The following DOK6 variants were observed in gnomAD, a reference collection of about 807,000 sequenced individuals.
DOK6 encodes the protein downstream of tyrosine kinase 6.
A neutral mutation model predicts 44.0 loss-of-function variants in DOK6; 22 were observed. The observed-to-expected ratio is 0.50, with a 90% CI of 0.36 to 0.71. The LOEUF (loss-of-function observed/expected upper bound fraction) is 0.71, where lower values mean the gene tolerates loss of function less well. Among genes scored for constraint, DOK6 ranks in the 30% least tolerant of loss-of-function variants. The probability of loss-of-function intolerance (pLI) is 0.00; values close to 1 mark genes in which losing one functional copy is unlikely to be tolerated. For synonymous variants in DOK6, 166 were observed against 145.5 expected, an observed-to-expected ratio of 1.14 and a Z score of -1.01; for missense variants, 340 against 416.4, an observed-to-expected ratio of 0.82 and a Z score of 1.60.
At position 69,564,530 on chromosome 18, in the gene DOK6, A is replaced by G; in HGVS notation, c.110A>G (p.Lys37Arg). The G allele has an allele frequency of 6.2e-7, 1 of 1,613,944 alleles. No homozygotes were observed. Among genetic ancestry groups the G allele is most frequent in the Non-Finnish European group, 8.5e-7 (1 of 1,179,916 alleles). Residue 37 changes from lysine to arginine, a missense_variant, in exon 2 of 8, where the codon AAA becomes AGA. Physicochemically the swap from Lys to Arg is conservative, Grantham distance 26. Transcript: ENST00000382713. ...CWLVFKKASS[K>R]GPRRLEKFPD... ...TTGGTTTTCAAGAAGGCTTCTAGCA[A>G]AGGACCCAGAAGGTTAGAAAAATTT... is the stretch of plus-strand genomic sequence containing the variant.
rs1405551050 is a variant in DOK6 at position 69,844,783 on chromosome 18, A to G, written c.*3400A>G. 1 of 152,224 alleles carries G rather than the reference A, an allele frequency of 6.6e-6. No homozygotes were observed. Among genetic ancestry groups the G allele is most frequent in the Non-Finnish European group, 1.5e-5 (1 of 68,040 alleles). The allele number at this position is 152,224 out of a possible 1,614,324, so 9.4% of individuals were successfully genotyped here. ...GAGCATGTGAAATCAATGGAAACAT[A>G]TTTATTAAAAGTAAACCTCACCTTT... On this transcript the variant is annotated 3_prime_UTR_variant, in exon 8 of 8. Transcript: ENST00000382713.
intron 1 of DOK6, among the ~76,000 whole-genome samples, chr18:69,488,972 G>T (rs550108438): frequency 6.6e-6 from 1 of 152,284 alleles, no homozygotes; most frequent in African/African-American, 2.4e-5. Flanking sequence ...GATTGGCTCA[G>T]CTCTTATTGA....
At chr18:69,616,690 A>G (rs145190982) in intron 3 of DOK6, among the ~76,000 whole-genome samples, 2 of 152,358 alleles carry the variant, frequency 1.3e-5, no homozygotes, top group East Asian at 3.9e-4. Flanking sequence ...TTAAGAAAAT[A>G]TACTTCTGCT....
At chr18:69,472,456 G>T (rs970969100) in intron 1 of DOK6, among the ~76,000 whole-genome samples, 8 of 152,102 alleles carry the variant, frequency 5.3e-5, no homozygotes, top group Non-Finnish European at 5.9e-5. Flanking sequence ...CACTACCTGG[G>T]CTCTGCTAGA....
intron 7 of DOK6, among the ~76,000 whole-genome samples, chr18:69,839,339 T>C (rs1052242896): frequency 8.6e-6 from 1 of 116,632 alleles, no homozygotes; most frequent in Non-Finnish European, 1.8e-5. Context: ...CCATAACTCC[T>C]CCCCTAGCCC....
At chr18:69,733,261 T>C (rs567437928) in intron 5 of DOK6, among the ~76,000 whole-genome samples, 2 of 152,318 alleles carry the variant, frequency 1.3e-5, no homozygotes, top group South Asian at 4.1e-4. Context: ...TGTAAAGATT[T>C]ATTAGTGAAA....
At chr18:69,568,642 C>T (rs1246006748) in intron 2 of DOK6, among the ~76,000 whole-genome samples, 1 of 152,166 alleles carries the variant, frequency 6.6e-6, no homozygotes, top group Non-Finnish European at 1.5e-5. Flanking sequence ...AGAAACCAGG[C>T]TGCATAGCAG....
intron 1 of DOK6, among the ~76,000 whole-genome samples, chr18:69,436,983 A>G (rs1360567364): frequency 6.6e-6 from 1 of 151,894 alleles, no homozygotes; most frequent in South Asian, 2.1e-4. Context: ...CATATCCTTC[A>G]CCCACTTTTT....
intron 7 of DOK6, among the ~76,000 whole-genome samples, chr18:69,763,821 A>G (rs370226357): frequency 2.0e-4 from 30 of 152,352 alleles, no homozygotes; most frequent in African/African-American, 7.2e-4. Flanking sequence ...TCAAACCAGT[A>G]AAAGCCATTG....
At chr18:69,778,618 A>G (rs2145087026) in intron 7 of DOK6, among the ~76,000 whole-genome samples, 1 of 152,298 alleles carries the variant, frequency 6.6e-6, no homozygotes, top group Non-Finnish European at 1.5e-5. Flanking sequence ...TGCTTTTGAA[A>G]TGTACTTATT....
intron 7 of DOK6, among the ~76,000 whole-genome samples, chr18:69,805,985 A>C (rs1002014159): frequency 5.3e-5 from 8 of 151,960 alleles, no homozygotes; most frequent in Admixed American, 1.3e-4. Context: ...TGGGAAGTAC[A>C]TGTGTGTATT....
rs987730914 is a variant in DOK6 at position 69,602,228 on chromosome 18, C to T, written c.289+2730C>T. 3.3e-5 allele frequency among the ~76,000 whole-genome samples: 5 copies of T among 152,188 alleles called. No homozygotes were observed. In the South Asian group the frequency reaches 8.3e-4, roughly 25 times the overall value. On this transcript the variant is annotated intron_variant, in intron 3 of 7. Coordinates refer to ENST00000382713, the MANE Select transcript of DOK6 (RefSeq NM_152721.6). ...GACAGACACTGCCTCAGCCAGGTGACCAAGGTGAAGATCAACAATGATAAA... is the reference window on the plus strand; with the variant it reads ...GACAGACACTGCCTCAGCCAGGTGATCAAGGTGAAGATCAACAATGATAAA...
At chr18:69,497,661 A>T (rs553145621) in intron 1 of DOK6, among the ~76,000 whole-genome samples, 5 of 152,284 alleles carry the variant, frequency 3.3e-5, no homozygotes, top group African/African-American at 1.2e-4. Context: ...GATACTAAAT[A>T]CGTATTTGTT....
At chr18:69,685,191 T>C (rs1249438980) in intron 4 of DOK6, among the ~76,000 whole-genome samples, 1 of 152,164 alleles carries the variant, frequency 6.6e-6, no homozygotes, top group Non-Finnish European at 1.5e-5. Flanking sequence ...AATATTGGGA[T>C]TTCATTTTTT....
At chr18:69,582,370 A>C (rs1014192100) in intron 2 of DOK6, among the ~76,000 whole-genome samples, 29 of 152,362 alleles carry the variant, frequency 1.9e-4, no homozygotes, top group African/African-American at 6.7e-4. Context: ...AAATGCAATA[A>C]GTGTATAGGT....
chr18:69,704,167 T>C (rs1450732711), intron 5 of DOK6, among the ~76,000 whole-genome samples: 2 of 152,214 alleles, frequency 1.3e-5, no homozygotes, highest in African/African-American at 4.8e-5. Flanking sequence ...TTAAATACTT[T>C]AGTACAGTGG....
chr18:69,586,759 G>C (rs898608224), intron 2 of DOK6, among the ~76,000 whole-genome samples: 1 of 152,066 alleles, frequency 6.6e-6, no homozygotes, highest in South Asian at 2.1e-4. Flanking sequence ...CGTTTTCCCT[G>C]CATTTCCTCC....
intron 1 of DOK6, among the ~76,000 whole-genome samples, chr18:69,457,449 T>C (rs554106700): frequency 6.6e-6 from 1 of 152,164 alleles, no homozygotes; most frequent in East Asian, 1.9e-4. Context: ...GCTATAGGTG[T>C]GCATTTTTAT....
chr18:69,834,296 G>A (rs749529904), intron 7 of DOK6, among the ~76,000 whole-genome samples: 11 of 152,128 alleles, frequency 7.2e-5, no homozygotes, highest in Non-Finnish European at 1.3e-4. Flanking sequence ...AATATTACAC[G>A]TTCTCACTCA....
Sources: allele counts gnomAD v4.1 joint callset (sites outside exome capture counted in the v4.1 genomes callset), GRCh38; gene constraint gnomAD v4.1.1; transcripts MANE v1.5; gene names NCBI Gene and HGNC (gene_info 2026-07-23, HGNC 2026-07-21).